MGRN1: variants seen among roughly 807,000 people sequenced by gnomAD.
MGRN1 encodes the protein mahogunin ring finger 1.
MGRN1 carries 29 observed loss-of-function variants against 69.2 expected under a neutral mutation model. That is an observed-to-expected ratio of 0.42 (90% CI 0.31 to 0.57). The LOEUF (loss-of-function observed/expected upper bound fraction) is 0.57. Among genes scored for constraint, MGRN1 ranks in the 20% least tolerant of loss-of-function variants. MGRN1 has a pLI of 0.15. For synonymous variants in MGRN1, 470 were observed against 344.2 expected (o/e 1.37, Z -4.04); for missense variants, 998 against 796.2 (o/e 1.25, Z -3.05).
At chr16:4,641,292 C>T (rs2078151006) in intron 1 of MGRN1, among the ~76,000 whole-genome samples, 1 of 152,230 alleles carries the variant, frequency 6.6e-6, no homozygotes, top group Admixed American at 6.5e-5. Context: ...CCTAGGGTCT[C>T]CTTCCCGTGT....
chr16:4,642,147 A>T (rs200287342), intron 1 of MGRN1, among the ~76,000 whole-genome samples: 503 of 37,208 alleles, frequency 0.014, 1 homozygote, highest in Admixed American at 0.037. Context: ...TTTTTTTTTT[A>T]AAAAAGACCG....
chr16:4,647,147 C>T (rs947304611), intron 1 of MGRN1, among the ~76,000 whole-genome samples: 3 of 152,224 alleles, frequency 2.0e-5, no homozygotes, highest in South Asian at 2.1e-4. Context: ...GCAGCTAGTG[C>T]GGGGGTTCCC....
At chr16:4,676,240 T>C (rs1045695332) in intron 10 of MGRN1, among the ~76,000 whole-genome samples, 2 of 152,142 alleles carry the variant, frequency 1.3e-5, no homozygotes, top group African/African-American at 4.8e-5. Context: ...CCAGGCTGTC[T>C]GTCGGCCTCT....
intron 16 of MGRN1, chr16:4,686,403 G>T: frequency 6.7e-7 from 1 of 1,483,530 alleles, no homozygotes; most frequent in Non-Finnish European, 8.9e-7. Flanking sequence ...TGGTTTTTGG[G>T]TCTTCGTCCG....
At chr16:4,662,300 C>T (rs925676744) in intron 5 of MGRN1, among the ~76,000 whole-genome samples, 8 of 152,076 alleles carry the variant, frequency 5.3e-5, no homozygotes, top group Middle Eastern at 3.4e-3. Context: ...GGATCACTGG[C>T]GGTCAGGAGT....
intron 10 of MGRN1, 111 bp from the exon 11 acceptor site, chr16:4,677,352 C>T (rs969095128): frequency 3.1e-6 from 2 of 644,108 alleles, no homozygotes; most frequent in African/African-American, 1.9e-5. Context: ...GAAGCGGGGT[C>T]ACCCCAGGAC....
At chr16:4,664,867 C>G in intron 6 of MGRN1, 92 bp downstream of exon 6, 1 of 1,524,356 alleles carries the variant, frequency 6.6e-7, no homozygotes, top group Non-Finnish European at 9.1e-7. Flanking sequence ...AGTGATGAAG[C>G]AGGCCAGGCA....
chr16:4,648,455 T>G (rs2078324674), intron 1 of MGRN1, among the ~76,000 whole-genome samples: 1 of 108,034 alleles, frequency 9.3e-6, no homozygotes, highest in Non-Finnish European at 1.7e-5. Context: ...TCTCGGGGAC[T>G]CTTCCCGTGG....
chr16:4,655,099 T>G (rs139008258), intron 4 of MGRN1, among the ~76,000 whole-genome samples: 2 of 152,144 alleles, frequency 1.3e-5, no homozygotes, highest in African/African-American at 2.4e-5. Context: ...GTTGAGTGTT[T>G]GACACCCACG....
intron 4 of MGRN1, 43 bp downstream of exon 4, chr16:4,652,867 C>T: frequency 6.4e-7 from 1 of 1,551,598 alleles, no homozygotes; most frequent in Non-Finnish European, 8.7e-7. Flanking sequence ...CTGGGGGCCC[C>T]AGACTCCTGG....
Position 4,681,796 on chromosome 16 carries a change from G to C in MGRN1, c.1358+20G>C. ...CGACAGGTGAGCAGCAGCCAGGCCA[G>C]GTGCATGGCAGGGTGTGTGGTGGCG... On this transcript the variant is annotated intron_variant, in intron 13 of 16. Transcript: ENST00000262370. 2 of 1,602,602 alleles carry C rather than the reference G, an allele frequency of 1.2e-6. No individual in the cohort carries two copies. Among genetic ancestry groups the C allele is most frequent in the Non-Finnish European group, 1.7e-6 (2 of 1,174,324 alleles).
chr16:4,663,391 T>TTTTTAA (rs150893432), intron 5 of MGRN1, among the ~76,000 whole-genome samples: 4 of 123,244 alleles, frequency 3.2e-5, no homozygotes, highest in Admixed American at 8.6e-5. Flanking sequence ...TTTTTTTTTT[T>TTTTTAA]ACACCTTTAT....
At chr16:4,662,297 T>G (rs2078700748) in intron 5 of MGRN1, among the ~76,000 whole-genome samples, 1 of 152,112 alleles carries the variant, frequency 6.6e-6, no homozygotes, top group Non-Finnish European at 1.5e-5. Flanking sequence ...GTCGGATCAC[T>G]GGCGGTCAGG....
intron 1 of MGRN1, among the ~76,000 whole-genome samples, chr16:4,627,588 C>T (rs750976379): frequency 1.3e-4 from 19 of 151,758 alleles, no homozygotes; most frequent in Admixed American, 2.6e-4. Context: ...GAGATGGAGA[C>T]CATCCTGGCT....
At chr16:4,666,398 C>T (rs1199181736) in intron 7 of MGRN1, among the ~76,000 whole-genome samples, 1 of 152,174 alleles carries the variant, frequency 6.6e-6, no homozygotes, top group Non-Finnish European at 1.5e-5. Context: ...TTCCAAAGTG[C>T]TGGGATTACA....
At chr16:4,681,173 G>A (rs1358064408) in intron 12 of MGRN1, among the ~76,000 whole-genome samples, 3 of 152,168 alleles carry the variant, frequency 2.0e-5, no homozygotes, top group Non-Finnish European at 4.4e-5. Context: ...CGTGTCTCTC[G>A]CCTCTGGCAT....
intron 8 of MGRN1, among the ~76,000 whole-genome samples, chr16:4,669,933 A>G (rs1458419157): frequency 2.6e-5 from 4 of 151,778 alleles, no homozygotes; most frequent in Non-Finnish European, 5.9e-5. Context: ...TGCTAATGAG[A>G]TGTCCTAGGC....
intron 11 of MGRN1, among the ~76,000 whole-genome samples, chr16:4,679,071 A>G (rs1026291632): frequency 7.9e-5 from 12 of 152,264 alleles, no homozygotes; most frequent in African/African-American, 2.6e-4. Flanking sequence ...CTAGGCCCCT[A>G]CCATCGTGGG....
At chr16:4,688,250 T>A in intron 16 of MGRN1, 1 of 985,742 alleles carries the variant, frequency 1.0e-6, no homozygotes, top group Non-Finnish European at 1.2e-6. Flanking sequence ...CAGACCCATC[T>A]GGGGACAGCG....
Sources: allele counts gnomAD v4.1 joint callset (sites outside exome capture counted in the v4.1 genomes callset), GRCh38; gene constraint gnomAD v4.1.1; transcripts MANE v1.5; gene names NCBI Gene and HGNC (gene_info 2026-07-23, HGNC 2026-07-21).